Variants in MACROD2 observed in about 807,000 individuals in gnomAD.
The protein encoded by MACROD2 is mono-ADP ribosylhydrolase 2.
A neutral mutation model predicts 70.4 loss-of-function variants in MACROD2; 36 were observed. That is an observed-to-expected ratio of 0.51 (90% CI 0.39 to 0.68). The LOEUF is 0.68. Among genes scored for constraint, MACROD2 ranks in the 30% least tolerant of loss-of-function variants. The pLI is 0.00. For missense variants in MACROD2, 496 were observed against 538.4 expected, an observed-to-expected ratio of 0.92 and a Z score of 0.78; for synonymous variants, 172 against 178.8, an observed-to-expected ratio of 0.96 and a Z score of 0.30.
At chr20:15,749,459 A>G (rs4142410) in intron 8 of MACROD2, among the ~76,000 whole-genome samples, 3,327 of 152,152 alleles carry the variant, frequency 0.022, 68 homozygotes, top group East Asian at 0.11. Context: ...GATCTATCAC[A>G]AAGTGGGTGT....
At chr20:15,169,490 G>A (rs901788941) in intron 5 of MACROD2, among the ~76,000 whole-genome samples, 1 of 152,096 alleles carries the variant, frequency 6.6e-6, no homozygotes, top group African/African-American at 2.4e-5. Flanking sequence ...TTTCTTGAAG[G>A]AAGTAACTGC....
At chr20:14,759,041 T>G (rs1267954057) in intron 5 of MACROD2, among the ~76,000 whole-genome samples, 3 of 152,144 alleles carry the variant, frequency 2.0e-5, no homozygotes, top group African/African-American at 7.2e-5. Context: ...CCTTGCTTAA[T>G]TATATGCTTT....
intron 3 of MACROD2, among the ~76,000 whole-genome samples, chr20:14,236,656 G>A (rs1381389022): frequency 6.6e-6 from 1 of 152,024 alleles, no homozygotes; most frequent in African/African-American, 2.4e-5. Flanking sequence ...AGTCCACTCT[G>A]TTACTTCTTT....
At chr20:15,579,692 A>G (rs2048497980) in intron 8 of MACROD2, among the ~76,000 whole-genome samples, 1 of 152,244 alleles carries the variant, frequency 6.6e-6, no homozygotes, top group Admixed American at 6.5e-5. Flanking sequence ...TCCTTTTGAA[A>G]TGCAATGCAT....
At position 16,030,527 on chromosome 20, in the gene MACROD2, C is replaced by T. The variant is rs1426762257; in HGVS notation, c.1154-10674C>T. Among the ~76,000 whole-genome samples the T allele has an allele frequency of 5.3e-5, 8 of 152,144 alleles. No individual in the cohort carries two copies. In the East Asian group the frequency reaches 5.8e-4, roughly 11 times the overall value. On this transcript the variant is annotated intron_variant, in intron 15 of 17. Transcript: ENST00000684519. ...AACCCAGTAAAGGGCAGGTGAAGAA[C>T]GTACTGTGGAAGAAAACATAACCCA...
intron 5 of MACROD2, among the ~76,000 whole-genome samples, chr20:14,702,328 C>T (rs1014791846): frequency 4.3e-4 from 65 of 151,540 alleles, no homozygotes; most frequent in African/African-American, 1.5e-3. Context: ...TTTTCAGTCT[C>T]ATTCTTTCCT....
intron 4 of MACROD2, among the ~76,000 whole-genome samples, chr20:14,535,625 T>C (rs2085355276): frequency 1.3e-5 from 2 of 151,804 alleles, no homozygotes; most frequent in African/African-American, 4.8e-5. Context: ...ACTGTTAAAG[T>C]CTTGAGTATA....
At chr20:14,344,370 A>C (rs2083044243) in intron 3 of MACROD2, among the ~76,000 whole-genome samples, 3 of 152,360 alleles carry the variant, frequency 2.0e-5, no homozygotes, top group Middle Eastern at 3.4e-3. Context: ...TTAAAAATTA[A>C]GTCACATTTA....
At position 14,862,658 on chromosome 20, in the gene MACROD2, TATATATATAA is replaced by T. The variant is rs1429073788; in HGVS notation, c.418+177719_418+177728del. 9.8e-3 allele frequency among the ~76,000 whole-genome samples: 446 copies of T among 45,410 alleles called. 46 individuals are homozygous for T. Among genetic ancestry groups the T allele is most frequent in the African/African-American group, 0.036 (427 of 11,744 alleles). 29.8% of individuals were successfully genotyped at this position (45,410 alleles called of 152,430 possible). A position where few individuals can be genotyped will look rare whatever the true frequency, so the allele number is the denominator to read the frequency against. On this transcript the variant is annotated intron_variant, in intron 5 of 17. Transcript: ENST00000684519. ...ATATATATAAATATATATATATAAA[TATATATATAA>T]ATATATATAAATATATATATAAATA...
chr20:14,176,762 C>A (rs2081266326), intron 3 of MACROD2, among the ~76,000 whole-genome samples: 1 of 152,176 alleles, frequency 6.6e-6, no homozygotes, highest in Admixed American at 6.5e-5. Context: ...GAGCTAAAAT[C>A]AGTTCTTATC....
At chr20:15,142,941 T>TTGCTATTGTGAATACTGCTGC (rs1368598493) in intron 5 of MACROD2, among the ~76,000 whole-genome samples, 21 of 152,280 alleles carry the variant, frequency 1.4e-4, no homozygotes, top group Non-Finnish European at 2.6e-4. Context: ...TTCCAAGTCT[T>TTGCTATTGTGAATACTGCTGC]TGCTATTGTG....
chr20:14,171,117 T>C (rs562931229), intron 3 of MACROD2, among the ~76,000 whole-genome samples: 3 of 152,314 alleles, frequency 2.0e-5, no homozygotes, highest in Non-Finnish European at 2.9e-5. Context: ...CTAGGTTTTC[T>C]AGTTTATGCA....
intron 7 of MACROD2, among the ~76,000 whole-genome samples, chr20:15,475,050 A>G (rs879236036): frequency 2.0e-5 from 3 of 152,256 alleles, no homozygotes; most frequent in Admixed American, 2.0e-4. Context: ...CAATTAAAAA[A>G]TAGTGCAAAT....
chr20:14,369,956 A>T (rs2083307187), intron 3 of MACROD2, among the ~76,000 whole-genome samples: 1 of 152,202 alleles, frequency 6.6e-6, no homozygotes, highest in South Asian at 2.1e-4. Flanking sequence ...AAATTGAATT[A>T]TTGGCAAAGG....
intron 3 of MACROD2, among the ~76,000 whole-genome samples, chr20:14,297,442 G>A (rs1303151280): frequency 1.3e-5 from 2 of 151,974 alleles, no homozygotes; most frequent in Non-Finnish European, 2.9e-5. Flanking sequence ...TGCTACTCCA[G>A]TGAACACATG....
intron 13 of MACROD2, among the ~76,000 whole-genome samples, chr20:15,971,458 A>G (rs1334783566): frequency 6.6e-6 from 1 of 152,182 alleles, no homozygotes; most frequent in Non-Finnish European, 1.5e-5. Flanking sequence ...CATGTAAGAC[A>G]TGCGGTTGCA....
intron 8 of MACROD2, among the ~76,000 whole-genome samples, chr20:15,740,986 AATGATGTCTC>A (rs1394811419): frequency 1.3e-5 from 2 of 152,070 alleles, no homozygotes; most frequent in Non-Finnish European, 2.9e-5. Context: ...ACACAATGGA[AATGATGTCTC>A]ATCTCTGCTC....
chr20:15,938,285 T>G (rs1351038655), intron 12 of MACROD2, among the ~76,000 whole-genome samples: 1 of 152,216 alleles, frequency 6.6e-6, no homozygotes, highest in Non-Finnish European at 1.5e-5. Context: ...CATTTTACTG[T>G]GCTTTGAAAA....
rs2052633451 is a variant in MACROD2 at position 13,995,901 on chromosome 20, G to C, written c.46+92G>C. On this transcript the variant is annotated intron_variant, in intron 1 of 17. Coordinates refer to ENST00000684519, the MANE Select transcript of MACROD2 (RefSeq NM_001351661.2). This position sits in a 1 kb window ranked among gnomAD's most constrained non-coding sequence, Gnocchi z 4.3. Reference sequence around the variant, plus strand: ...GTGTGTGCCGCGGCGCCCTCCGCCCGAGCTCCCGCCTCGCGCCCTCCCGGC... The same window carrying C: ...GTGTGTGCCGCGGCGCCCTCCGCCCCAGCTCCCGCCTCGCGCCCTCCCGGC... 2 of 1,448,724 alleles carry C rather than the reference G, an allele frequency of 1.4e-6. No homozygotes were observed. The highest frequency in any genetic ancestry group is 1.9e-6 in the Non-Finnish European group (2 of 1,058,394). The allele number at this position is 1,448,724 out of a possible 1,614,324, so 89.7% of individuals were successfully genotyped here.
Sources: gnomAD v4.1 joint callset for allele counts (sites outside exome capture counted in the v4.1 genomes callset) on GRCh38, gnomAD v4.1.1 for gene constraint, Gnocchi (gnomAD v3.1) non-coding constraint, MANE v1.5 for transcripts, NCBI Gene and HGNC (gene_info 2026-07-23, HGNC 2026-07-21) for gene names.